IGFL2: variants seen among roughly 807,000 people sequenced by gnomAD.
IGFL2 encodes the protein insulin growth factor-like family member 2.
Under a neutral mutation model 13.9 loss-of-function variants are expected in IGFL2, and 7 were observed. The observed-to-expected ratio is 0.51, with a 90% confidence interval of 0.29 to 0.95. The LOEUF (loss-of-function observed/expected upper bound fraction) is 0.95, where lower values mean the gene tolerates loss of function less well. IGFL2 is among the 40% of genes least tolerant of loss of function. The pLI, the probability that IGFL2 is intolerant of heterozygous loss-of-function variation, is 0.08. For synonymous variants in IGFL2, 55 were observed against 55.8 expected, an observed-to-expected ratio of 0.99 and a Z score of 0.07; for missense variants, 138 against 147.8, an observed-to-expected ratio of 0.93 and a Z score of 0.34.
the IGFL2 span, among the ~76,000 whole-genome samples, chr19:46,128,104 C>T: frequency 6.6e-6 from 1 of 152,016 alleles, no homozygotes; most frequent in Non-Finnish European, 1.5e-5. Flanking sequence ...ATGGGAATTG[C>T]AGTCCTGATT....
chr19:46,164,544 C>T (rs1974305512), downstream of IGFL2: 1 of 152,264 alleles, frequency 6.6e-6, no homozygotes, highest in Non-Finnish European at 1.5e-5. Context: ...TCACCTGCTT[C>T]CTGATGAGGA....
chr19:46,137,425 G>T, the IGFL2 span: 1 of 1,026,612 alleles, frequency 9.7e-7, no homozygotes, highest in Non-Finnish European at 1.5e-6. Context: ...CGGAAGGATG[G>T]ACATTGTAAT....
chr19:46,201,161 G>C, the IGFL2 span, among the ~76,000 whole-genome samples: 5 of 152,140 alleles, frequency 3.3e-5, no homozygotes, highest in Admixed American at 1.3e-4. Context: ...CAGGCCCCTC[G>C]TGATTGCACC....
chr19:46,172,073 G>C, the IGFL2 span, among the ~76,000 whole-genome samples: 895 of 152,286 alleles, frequency 5.9e-3, 16 homozygotes, highest in East Asian at 0.047. Context: ...ATCTGGAGTA[G>C]TCCTTGGCAG....
chr19:46,147,389 G>A (rs1973195028), upstream of IGFL2, among the ~76,000 whole-genome samples: 1 of 152,092 alleles, frequency 6.6e-6, no homozygotes, highest in Non-Finnish European at 1.5e-5. Flanking sequence ...CCAAACCAGA[G>A]TTTAGTCTAG....
chr19:46,160,298 C>CAAGCCTTTAGAGCTAATCTGGAACT, intron 1 of IGFL2, 117 bp from the exon 2 acceptor site: 1 of 860,652 alleles, frequency 1.2e-6, no homozygotes, highest in East Asian at 2.6e-5. Flanking sequence ...GTTCCAAACC[C>CAAGCCTTTAGAGCTAATCTGGAACT]AAGCCTTTAG....
chr19:46,112,849 G>A, the IGFL2 span: 1 of 152,178 alleles, frequency 6.6e-6, no homozygotes, highest in Non-Finnish European at 1.5e-5. Context: ...CTCATACTTG[G>A]TAATGGTGTC....
the IGFL2 span, among the ~76,000 whole-genome samples, chr19:46,106,236 T>G: frequency 6.6e-6 from 1 of 152,042 alleles, no homozygotes; most frequent in Non-Finnish European, 1.5e-5. Flanking sequence ...GAGGGGGATA[T>G]GCAATATCCT....
At chr19:46,102,433 G>A in the IGFL2 span, among the ~76,000 whole-genome samples, 1 of 152,188 alleles carries the variant, frequency 6.6e-6, no homozygotes, top group African/African-American at 2.4e-5. Context: ...ATATTACAAA[G>A]TACCTTCTTA....
At chr19:46,114,179 C>G in the IGFL2 span, among the ~76,000 whole-genome samples, 5 of 152,184 alleles carry the variant, frequency 3.3e-5, no homozygotes, top group African/African-American at 9.7e-5. Flanking sequence ...AATTTTTGTT[C>G]CTGTTTCTAA....
the IGFL2 span, among the ~76,000 whole-genome samples, chr19:46,127,768 T>C: frequency 1.3e-5 from 2 of 152,160 alleles, no homozygotes; most frequent in Non-Finnish European, 2.9e-5. Flanking sequence ...AATTTTACTT[T>C]TTTAAAATGT....
chr19:46,179,949 G>A, the IGFL2 span, among the ~76,000 whole-genome samples: 6 of 152,032 alleles, frequency 3.9e-5, no homozygotes, highest in Non-Finnish European at 5.9e-5. Context: ...ATTGCTATTG[G>A]TTGGGGGTGG....
chr19:46,160,781 C>G lies in IGFL2; in HGVS notation c.241C>G (p.Leu81Val), dbSNP rs1243553097. The change falls in exon 3 of 4, where the codon CTT (leucine) becomes GTT (valine). Residue 81 changes from leucine (L) to valine (V), a missense_variant. Physicochemically the swap from Leu to Val is conservative, Grantham distance 32 (BLOSUM62 1). Transcript: ENST00000377693. ...TFWPCFELCC[L>V]DSFGLTNDFV... is the part of the protein sequence containing the mutation. ...CTGGCCCTGCTTTGAGCTCTGCTGT[C>G]TTGATTCCTTTGGCCTCACAAACGA... is the stretch of plus-strand genomic sequence containing the variant. 2 of 1,614,046 alleles carry G rather than the reference C, an allele frequency of 1.2e-6. No individual in the cohort carries two copies. Among genetic ancestry groups the G allele is most frequent in the African/African-American group, 1.3e-5 (1 of 74,920 alleles).
chr19:46,180,285 TCTC>T, the IGFL2 span, among the ~76,000 whole-genome samples: 4 of 151,674 alleles, frequency 2.6e-5, no homozygotes, highest in Non-Finnish European at 4.4e-5. Flanking sequence ...TTCAAGCAAT[TCTC>T]CTGCCACAGC....
chr19:46,119,210 C>T, the IGFL2 span, among the ~76,000 whole-genome samples: 1 of 152,174 alleles, frequency 6.6e-6, no homozygotes, highest in Non-Finnish European at 1.5e-5. Context: ...CTCCAGGGTA[C>T]ACCACACTTA....
chr19:46,137,832 T>A, the IGFL2 span, among the ~76,000 whole-genome samples: 1 of 152,250 alleles, frequency 6.6e-6, no homozygotes, highest in Non-Finnish European at 1.5e-5. Flanking sequence ...TCTGATTATA[T>A]TATGAAGTTC....
the IGFL2 span, among the ~76,000 whole-genome samples, chr19:46,192,957 A>C: frequency 1.4e-4 from 21 of 151,128 alleles, no homozygotes; most frequent in Non-Finnish European, 2.7e-4. Flanking sequence ...TGGGAGGCCA[A>C]GGTGGGTGGA....
upstream of IGFL2, among the ~76,000 whole-genome samples, chr19:46,141,714 C>T (rs1490512054): frequency 6.6e-6 from 1 of 152,096 alleles, no homozygotes; most frequent in Non-Finnish European, 1.5e-5. Flanking sequence ...TCCTTCTCCC[C>T]ATCTTCCCAC....
chr19:46,205,555 A>G, the IGFL2 span, among the ~76,000 whole-genome samples: 2 of 152,170 alleles, frequency 1.3e-5, no homozygotes, highest in African/African-American at 4.8e-5. Flanking sequence ...AAACCCGTCT[A>G]TAAAATCCAG....
Sources: gnomAD v4.1 joint callset for allele counts (sites outside exome capture counted in the v4.1 genomes callset) on GRCh38, gnomAD v4.1.1 for gene constraint, MANE v1.5 for transcripts, NCBI Gene and HGNC (gene_info 2026-07-23, HGNC 2026-07-21) for gene names.